The following NTAN1 variants were observed in gnomAD, a reference collection of about 807,000 sequenced individuals.
The protein encoded by NTAN1 is protein N-terminal asparagine amidohydrolase.
Under a neutral mutation model 41.9 loss-of-function variants are expected in NTAN1, and 32 were observed. That is an observed-to-expected ratio of 0.76 (90% CI 0.58 to 1.03). NTAN1 has a LOEUF of 1.03. Among genes scored for constraint, NTAN1 ranks in the 50% least tolerant of loss-of-function variants. NTAN1 has a pLI of 0.00. For synonymous variants in NTAN1, 140 were observed against 139.5 expected (o/e 1.00, Z -0.03); for missense variants, 377 against 377.5 (o/e 1.00, Z 0.01).
intron 1 of NTAN1, among the ~76,000 whole-genome samples, chr16:15,050,552 G>A (rs2044254445): frequency 6.6e-6 from 1 of 152,056 alleles, no homozygotes; most frequent in African/African-American, 2.4e-5. Flanking sequence ...GGGCAACAAG[G>A]AAGATCCTGT....
At chr16:15,040,213 A>G (rs563011468) in intron 7 of NTAN1, 147 bp from the exon 8 acceptor site, 1 of 451,702 alleles carries the variant, frequency 2.2e-6, no homozygotes, top group Non-Finnish European at 3.9e-6. Context: ...CCCTCCCTGG[A>G]GGGGGAAAAT....
chr16:15,038,117 G>T lies in NTAN1; in HGVS notation c.847C>A (p.His283Asn), dbSNP rs1136001. ...GCTTTATTTCCAGAAAACAGTGTGT[G>T]AGCTGGAGATGGGTGTTTTTTTAAA... ...MFLKKHPSPA[H>N]TLFSGNKALL... The change falls in exon 10 of 10, where the codon CAC becomes AAC. Residue 283 changes from histidine to asparagine, a missense_variant. Coordinates refer to ENST00000287706, the MANE Select transcript of NTAN1 (RefSeq NM_173474.4). 502,710 of 1,606,596 alleles carry T rather than the reference G, an allele frequency of 0.31. 82,276 individuals are homozygous for T. Among genetic ancestry groups the T allele is most frequent in the Admixed American group, 0.51 (30,432 of 59,598 alleles).
At chr16:15,043,774 C>A (rs2151701264) in intron 5 of NTAN1, among the ~76,000 whole-genome samples, 1 of 152,090 alleles carries the variant, frequency 6.6e-6, no homozygotes, top group African/African-American at 2.4e-5. Flanking sequence ...ATGGTGAAAC[C>A]CCATTTCTAC....
At chr16:15,051,964 TC>T (rs2044310224) in intron 1 of NTAN1, among the ~76,000 whole-genome samples, 1 of 152,056 alleles carries the variant, frequency 6.6e-6, no homozygotes, top group East Asian at 1.9e-4. Context: ...ATGCAAGTAG[TC>T]CCAGTTTTCT....
chr16:15,044,314 G>GAAA lies in NTAN1; in HGVS notation c.433+17_433+19dup. 1 of 1,435,122 alleles carries GAAA rather than the reference G, an allele frequency of 7.0e-7. No homozygotes were observed. The highest frequency in any genetic ancestry group is 9.6e-7 in the Non-Finnish European group (1 of 1,042,030). The allele number at this position is 1,435,122 out of a possible 1,614,324, so 88.9% of individuals were successfully genotyped here. A position where few individuals can be genotyped will look rare whatever the true frequency, so the allele number is the denominator to read the frequency against. ...ATATTTATGTCCAATTTGGGGGAAA[G>GAAA]AAAAAAAAAATGAACTTACTAAGAA... On this transcript the variant is annotated intron_variant, in intron 5 of 9. Transcript: ENST00000287706.
intron 1 of NTAN1, among the ~76,000 whole-genome samples, chr16:15,049,054 T>G (rs1329068822): frequency 6.8e-6 from 1 of 147,090 alleles, no homozygotes; most frequent in African/African-American, 2.6e-5. Flanking sequence ...CCGCCACACC[T>G]GGCTGAGTTT....
intron 1 of NTAN1, among the ~76,000 whole-genome samples, chr16:15,050,377 T>G (rs1392212628): frequency 6.6e-6 from 1 of 152,196 alleles, no homozygotes; most frequent in Non-Finnish European, 1.5e-5. Flanking sequence ...AGTCTTAGTC[T>G]TCTATCAGCT....
intron 1 of NTAN1, among the ~76,000 whole-genome samples, chr16:15,053,097 T>C (rs1415019111): frequency 7.4e-6 from 1 of 136,026 alleles, no homozygotes; most frequent in Non-Finnish European, 1.6e-5. Context: ...ACTGAGGAAC[T>C]GAGTTTCAAT....
chr16:15,051,439 G>A (rs369949592), intron 1 of NTAN1, among the ~76,000 whole-genome samples: 4 of 152,268 alleles, frequency 2.6e-5, no homozygotes, highest in African/African-American at 9.6e-5. Flanking sequence ...TGCAGCCTCT[G>A]GCCTCAAGCA....
At chr16:15,055,829 C>T in intron 1 of NTAN1, 62 bp downstream of exon 1, 1 of 924,244 alleles carries the variant, frequency 1.1e-6, no homozygotes, top group Non-Finnish European at 1.4e-6. Flanking sequence ...GAGGGGGGCG[C>T]TAGCCCGCCC....
Position 15,038,646 on chromosome 16 carries a change from T to G in NTAN1, c.681A>C (p.Ile227=), listed in dbSNP as rs146090124. Residue 227 remains isoleucine, a synonymous_variant, in exon 9 of 10, where the codon ATA becomes ATC. Coordinates refer to ENST00000287706, the MANE Select transcript of NTAN1 (RefSeq NM_173474.4). The part of the protein sequence containing the change: ...IYDAETEQLR[I]GPYSWTPFPH... ...GAAATGGTGTCCAGGAGTACGGTCC[T>G]ATACGAAGTTGTTCTGTCTCTGCAT... The G allele has an allele frequency of 9.0e-5, 144 of 1,607,698 alleles. No individual in the cohort carries two copies. Among genetic ancestry groups the G allele is most frequent in the Non-Finnish European group, 1.2e-4 (139 of 1,174,820 alleles).
At chr16:15,046,597 A>C (rs924790119) in intron 4 of NTAN1, among the ~76,000 whole-genome samples, 1 of 151,132 alleles carries the variant, frequency 6.6e-6, no homozygotes, top group African/African-American at 2.4e-5. Context: ...GGAAACTACC[A>C]ATCTGCTGGA....
intron 9 of NTAN1, 84 bp from the exon 10 acceptor site, chr16:15,038,294 T>C (rs1232775134): frequency 2.1e-6 from 2 of 962,702 alleles, no homozygotes; most frequent in Non-Finnish European, 3.1e-6. Context: ...TCTTTGTTCT[T>C]GGACACAAAT....
At chr16:15,055,055 G>A (rs1364243792) in intron 1 of NTAN1, among the ~76,000 whole-genome samples, 1 of 152,080 alleles carries the variant, frequency 6.6e-6, no homozygotes, top group Admixed American at 6.5e-5. Flanking sequence ...CCGAGGGCAG[G>A]GACAGTGATC....
rs369316344 is a variant in NTAN1, at chr16:15,048,047, C to G, written c.134G>C (p.Gly45Ala). The G allele has an allele frequency of 8.7e-5, 141 of 1,613,450 alleles. 1 individual carries two copies. Among genetic ancestry groups the G allele is most frequent in the Non-Finnish European group, 1.2e-4 (136 of 1,179,522 alleles). Residue 45 changes from glycine (G) to alanine (A), a missense_variant, in exon 2 of 10, where the codon GGC becomes GCC. Coordinates refer to ENST00000287706, the MANE Select transcript of NTAN1 (RefSeq NM_173474.4). Reference protein sequence around the residue: ...GQSVQQVGPQGLLYVQQRELA... With the variant: ...GQSVQQVGPQALLYVQQRELA... ...CTCTCTTTGCTGAACATACAGAAGG[C>G]CCTGGGGTCCCACTTGTTGAACAGA... is the stretch of plus-strand genomic sequence containing the variant.
intron 1 of NTAN1, among the ~76,000 whole-genome samples, chr16:15,053,629 G>C (rs899111169): frequency 6.6e-6 from 1 of 152,034 alleles, no homozygotes; most frequent in Non-Finnish European, 1.5e-5. Context: ...AAATAATCCA[G>C]GCCAGGTGGA....
At chr16:15,040,281 G>C in intron 7 of NTAN1, 1 of 427,186 alleles carries the variant, frequency 2.3e-6, no homozygotes, top group Non-Finnish European at 4.1e-6. Flanking sequence ...TGGACTCGGT[G>C]AGATTTTGTT....
Position 15,037,974 on chromosome 16 carries a change from AGCCC to A in NTAN1, c.*53_*56del. On this transcript the variant is annotated 3_prime_UTR_variant, in exon 10 of 10. Coordinates refer to ENST00000287706, the MANE Select transcript of NTAN1 (RefSeq NM_173474.4). ...TAGGATCCAGATCTGGATTCGTGCC[AGCCC>A]CACCAATGGTCTGTCAGGCCAAGAA... is the stretch of plus-strand genomic sequence containing the variant. 7.5e-7 allele frequency: 1 copy of A among 1,334,750 alleles called. No individual in the cohort carries two copies. The highest frequency in any genetic ancestry group is 1.1e-6 in the Non-Finnish European group (1 of 941,368). 82.7% of individuals were successfully genotyped at this position (1,334,750 alleles called of 1,614,324 possible). A position where few individuals can be genotyped will look rare whatever the true frequency, so the allele number is the denominator to read the frequency against.
rs1034529815 is a variant in NTAN1, at chr16:15,045,143, AAAG to A, written c.360-739_360-737del. ...TATCTCAAAAAAAAAAAAAAAAAGAAAAGAAATTAGCCGGGCATGGTGGCACAC... is the reference window on the plus strand; with the variant it reads ...TATCTCAAAAAAAAAAAAAAAAAGAAAAATTAGCCGGGCATGGTGGCACAC... On this transcript the variant is annotated intron_variant, in intron 4 of 9. Transcript: ENST00000287706. 277 of 150,904 alleles carry A rather than the reference AAAG, an allele frequency of 1.8e-3. 1 individual carries two copies. Among genetic ancestry groups the A allele is most frequent in the African/African-American group, 5.6e-3 (230 of 41,018 alleles). 9.3% of individuals were successfully genotyped at this position (150,904 alleles called of 1,614,324 possible).
Sources: allele counts gnomAD v4.1 joint callset (sites outside exome capture counted in the v4.1 genomes callset), GRCh38; gene constraint gnomAD v4.1.1; transcripts MANE v1.5; gene names NCBI Gene and HGNC (gene_info 2026-07-23, HGNC 2026-07-21).